DNAH1: variants seen among roughly 807,000 people sequenced by gnomAD.
DNAH1 encodes the protein dynein axonemal heavy chain 1, also known as axonemal beta dynein heavy chain 1.
Under a neutral mutation model 484.3 loss-of-function variants are expected in DNAH1, and 327 were observed. The ratio of observed to expected loss-of-function variants is 0.68; its 90% CI spans 0.62 to 0.74. The LOEUF is 0.74. Among genes scored for constraint, DNAH1 ranks in the 30% least tolerant of loss-of-function variants. DNAH1 has a pLI of 0.00. For missense variants in DNAH1, 5,052 were observed against 5,546.8 expected (o/e 0.91, Z 2.83); for synonymous variants, 2,192 against 2,191.9 (o/e 1.00, Z 0.00).
chr3:52,380,289 C>T (rs1197209155), intron 48 of DNAH1, among the ~76,000 whole-genome samples, 154 bp downstream of exon 48: 3 of 152,164 alleles, frequency 2.0e-5, no homozygotes, highest in East Asian at 3.9e-4. Flanking sequence ...AGGAGACTCC[C>T]GGCATGCCCT....
rs772742755 is a variant in DNAH1 at position 52,346,719 on chromosome 3, A to G, written c.1904A>G (p.Asn635Ser). The change falls in exon 11 of 78, where the codon AAC becomes AGC. Residue 635 changes from asparagine to serine, a missense_variant. This residue lies in a region of DNAH1 where 1,263 missense variants were observed against 1,218.8 expected (regional missense o/e 1.04). Coordinates refer to ENST00000420323, the MANE Select transcript of DNAH1 (RefSeq NM_015512.5). The stretch of plus-strand genomic sequence containing the variant: ...AGCGACACCTGTTGCAGCGTGCTCA[A>G]CTGCACCGATGACATGGTCTGGGGT... ...FISDTCCSVL[N>S]CTDDMVWGDD... The G allele has an allele frequency of 1.2e-6, 2 of 1,613,726 alleles. No individual in the cohort carries two copies. The highest frequency in any genetic ancestry group is 1.7e-6 in the Non-Finnish European group (2 of 1,179,664).
At position 52,353,224 on chromosome 3, in the gene DNAH1, C is replaced by T. The variant is rs761839548; in HGVS notation, c.3149C>T (p.Ala1050Val). ...AATGACCCCCTCTCTGCCATCGATG[C>T]TGAGCAGCTGGAGAAGAACGTGGTT... ...WMNDPLSAID[A>V]EQLEKNVVEA... The change falls in exon 19 of 78, where the codon GCT (alanine) becomes GTT (valine). Residue 1050 changes from alanine (A) to valine (V), a missense_variant. Ala to Val is a moderately conservative substitution (Grantham distance 64, BLOSUM62 0). Coordinates refer to ENST00000420323, the MANE Select transcript of DNAH1 (RefSeq NM_015512.5). The surrounding 1 kb of genome is among the most constrained non-coding windows in gnomAD (Gnocchi z 5.0). 20 of 1,613,870 alleles carry T rather than the reference C, an allele frequency of 1.2e-5. No homozygotes were observed.
chr3:52,318,292 C>G (rs1459516295), intron 1 of DNAH1, among the ~76,000 whole-genome samples: 1 of 152,230 alleles, frequency 6.6e-6, no homozygotes, highest in Non-Finnish European at 1.5e-5. Context: ...TCGGGTGATC[C>G]GCCCGCCTGG....
At chr3:52,321,659 G>T (rs1230835344) in intron 1 of DNAH1, 1 of 152,200 alleles carries the variant, frequency 6.6e-6, no homozygotes, top group Non-Finnish European at 1.5e-5. Flanking sequence ...TGGTGGATGT[G>T]CATGCACCCT....
chr3:52,331,205 A>G lies in DNAH1; in HGVS notation c.929A>G (p.Tyr310Cys), dbSNP rs528031834. The change falls in exon 7 of 78, where the codon TAC (tyrosine) becomes TGC (cysteine). Residue 310 changes from tyrosine (Y) to cysteine (C), a missense_variant. By Grantham distance (194) the Tyr-to-Cys change is radical. Coordinates refer to ENST00000420323, the MANE Select transcript of DNAH1 (RefSeq NM_015512.5). ...TGGTGCGAGGTCGGCGTCCTGGACT[A>G]CGACGAGGAGAAGAAGCTATACCTG... The part of the protein sequence containing the change: ...YKWCEVGVLD[Y>C]DEEKKLYLVH... 8.7e-6 allele frequency: 14 copies of G among 1,608,762 alleles called. 1 individual carries two copies. In the South Asian group the frequency reaches 1.1e-4, roughly 13 times the overall value.
chr3:52,321,495 T>A (rs1380258800), intron 1 of DNAH1, among the ~76,000 whole-genome samples: 2 of 151,994 alleles, frequency 1.3e-5, no homozygotes, highest in Non-Finnish European at 2.9e-5. Context: ...TGTACAAACC[T>A]CTTCTTCACC....
intron 73 of DNAH1, among the ~76,000 whole-genome samples, chr3:52,397,401 A>T (rs1436631114): frequency 6.6e-6 from 1 of 152,156 alleles, no homozygotes; most frequent in African/African-American, 2.4e-5. Flanking sequence ...GCCATGAGCC[A>T]GGGCTGGGTT....
Position 52,368,781 on chromosome 3 carries a change from A to G in DNAH1, c.5806A>G (p.Ile1936Val), listed in dbSNP as rs1703192047. Residue 1936 changes from isoleucine to valine, a missense_variant, in exon 37 of 78, where the codon ATC becomes GTC. Coordinates refer to ENST00000420323, the MANE Select transcript of DNAH1 (RefSeq NM_015512.5). This position sits in a 1 kb window ranked among gnomAD's most constrained non-coding sequence, Gnocchi z 4.4. ...IFSSFIRAGAITSDTNKKWYM... is the reference protein window; with the variant it reads ...IFSSFIRAGAVTSDTNKKWYM... ...CTCCTCGTTCATCCGGGCGGGGGCC[A>G]TCACCTCCGACACCAACAAGAAGTG... is the stretch of plus-strand genomic sequence containing the variant. 2 of 1,613,968 alleles carry G rather than the reference A, an allele frequency of 1.2e-6. No individual in the cohort carries two copies. The highest frequency in any genetic ancestry group is 1.7e-6 in the Non-Finnish European group (2 of 1,179,890).
In DNAH1 at chr3:52,391,451, G is replaced by A. The variant is rs1172126001; in HGVS notation, c.9900G>A (p.Lys3300=). 1.9e-6 allele frequency: 3 copies of A among 1,610,328 alleles called. No individual in the cohort carries two copies. Among genetic ancestry groups the A allele is most frequent in the Non-Finnish European group, 2.5e-6 (3 of 1,178,290 alleles). The part of the protein sequence containing the change: ...LEPVLLKQTY[K]QQGNTVLKLG... ...GGTCCCACCCACCACAGACGTACAA[G>A]CAGCAGGGAAACACGGTGCTGAAGC... Residue 3300 remains lysine (K), a synonymous_variant, in exon 63 of 78, where the codon AAG becomes AAA. Coordinates refer to ENST00000420323, the MANE Select transcript of DNAH1 (RefSeq NM_015512.5).
intron 9 of DNAH1, 115 bp downstream of exon 9, chr3:52,344,762 C>A: frequency 3.7e-6 from 4 of 1,092,386 alleles, no homozygotes; most frequent in Non-Finnish European, 3.9e-6. Context: ...CAGCCCAACA[C>A]TCCCTGCACC....
Position 52,322,731 on chromosome 3 carries a change from T to A in DNAH1, c.289T>A (p.Phe97Ile), listed in dbSNP as rs202036822. 10 of 1,612,234 alleles carry A rather than the reference T, an allele frequency of 6.2e-6. No homozygotes were observed. The African/African-American group carries it at 1.1e-4, about 17-fold the overall frequency. ...KKYPLMKQRG[F>I]YSDILSPGTL... Reference sequence around the variant, plus strand: ...GTACCCGCTGATGAAGCAGCGTGGGTTCTACTCCGACATCCTCAGCCCTGG... The same window carrying A: ...GTACCCGCTGATGAAGCAGCGTGGGATCTACTCCGACATCCTCAGCCCTGG... Residue 97 changes from phenylalanine (F) to isoleucine (I), a missense_variant, in exon 2 of 78, where the codon TTC becomes ATC. Phe to Ile is a conservative substitution (Grantham distance 21). Around this residue, in one of 4 missense-constraint regions of DNAH1, gnomAD observed 1,263 missense variants for 1,218.8 expected, o/e 1.04. Coordinates refer to ENST00000420323, the MANE Select transcript of DNAH1 (RefSeq NM_015512.5).
chr3:52,395,624 A>G lies in DNAH1; in HGVS notation c.11205A>G (p.Ala3735=). The change falls in exon 70 of 78, where the codon GCA becomes GCG. Residue 3735 remains alanine (A), a synonymous_variant. Coordinates refer to ENST00000420323, the MANE Select transcript of DNAH1 (RefSeq NM_015512.5). This position sits in a 1 kb window ranked among gnomAD's most constrained non-coding sequence, Gnocchi z 4.4. ...KWVFFQNCHL[A]PSWMPALERL... ...TCTTCTTCCAGAACTGCCACCTGGC[A>G]CCAAGCTGGATGCCAGCCCTAGAAC... 6.2e-7 allele frequency: 1 copy of G among 1,613,894 alleles called. No individual in the cohort carries two copies. The highest frequency in any genetic ancestry group is 8.5e-7 in the Non-Finnish European group (1 of 1,179,900).
At chr3:52,340,174 T>G (rs548332252) in intron 8 of DNAH1, among the ~76,000 whole-genome samples, 7 of 152,210 alleles carry the variant, frequency 4.6e-5, no homozygotes, top group African/African-American at 1.7e-4. Context: ...CCTCAAACTC[T>G]TGGGCTCAAG....
At chr3:52,373,152 C>A in intron 44 of DNAH1, 99 bp downstream of exon 44, 2 of 1,333,848 alleles carry the variant, frequency 1.5e-6, no homozygotes, top group Non-Finnish European at 9.8e-7. Context: ...TTAAGGCACC[C>A]ACAAAAATGT....
chr3:52,320,499 A>G (rs1433435938), intron 1 of DNAH1, among the ~76,000 whole-genome samples: 2 of 152,214 alleles, frequency 1.3e-5, no homozygotes. Flanking sequence ...CTTCTTAGAA[A>G]TGGACTCAGC....
At chr3:52,333,765 A>G (rs758582335) in intron 8 of DNAH1, among the ~76,000 whole-genome samples, 6 of 152,082 alleles carry the variant, frequency 3.9e-5, no homozygotes, top group South Asian at 4.1e-4. Flanking sequence ...CACACAACCA[A>G]TGTTTTTTTT....
intron 37 of DNAH1, among the ~76,000 whole-genome samples, chr3:52,369,332 G>T (rs1405636763): frequency 1.3e-5 from 2 of 152,154 alleles, no homozygotes; most frequent in Non-Finnish European, 2.9e-5. Flanking sequence ...CTGGGAGATG[G>T]ATGGCATAGA....
At position 52,355,845 on chromosome 3, in the gene DNAH1, AG is replaced by A. The variant is rs34079244; in HGVS notation, c.3694-765del. Among the ~76,000 whole-genome samples, 2 of 152,074 alleles carry A rather than the reference AG, an allele frequency of 1.3e-5. No homozygotes were observed. Among genetic ancestry groups the A allele is most frequent in the African/African-American group, 4.8e-5 (2 of 41,412 alleles). The stretch of plus-strand genomic sequence containing the variant: ...GCCGACTCTCCCTCACCATCCTTCA[AG>A]GGGTTCCCACCGAGGCCATTGTCGG... On this transcript the variant is annotated intron_variant, in intron 21 of 77. Transcript: ENST00000420323. This position sits in a 1 kb window ranked among gnomAD's most constrained non-coding sequence, Gnocchi z 4.5.
At chr3:52,331,046 G>A in intron 6 of DNAH1, 102 bp from the exon 7 acceptor site, 2 of 1,373,274 alleles carry the variant, frequency 1.5e-6, no homozygotes, top group East Asian at 2.5e-5. Context: ...ACGCCAGACT[G>A]GTGATCTCTG....
Sources: allele counts gnomAD v4.1 joint callset (sites outside exome capture counted in the v4.1 genomes callset), GRCh38; gene constraint gnomAD v4.1.1; regional missense constraint gnomAD v4.1.1; non-coding constraint Gnocchi (gnomAD v3.1); transcripts MANE v1.5; gene names NCBI Gene and HGNC (gene_info 2026-07-23, HGNC 2026-07-21).